The following DENND4B variants were observed in gnomAD, a reference collection of about 807,000 sequenced individuals.
The protein encoded by DENND4B is DENN domain containing 4B, also known as DENN domain-containing protein 4B.
In DENND4B, 67 loss-of-function variants were observed where a neutral mutation model predicts 161.0. The observed-to-expected ratio is 0.42, with a 90% CI of 0.34 to 0.51. DENND4B has a LOEUF of 0.51. Among genes scored for constraint, DENND4B ranks in the 20% least tolerant of loss-of-function variants. DENND4B has a pLI of 0.08. For synonymous variants in DENND4B, 753 were observed against 813.8 expected (o/e 0.93, Z 1.27); for missense variants, 1,481 against 1,968.0 (o/e 0.75, Z 4.68).
In DENND4B at chr1:153,942,635, A is replaced by G; in HGVS notation, c.571-10T>C. 1 of 1,584,458 alleles carries G rather than the reference A, an allele frequency of 6.3e-7. No homozygotes were observed. Among genetic ancestry groups the G allele is most frequent in the Non-Finnish European group, 8.6e-7 (1 of 1,166,466 alleles). The stretch of plus-strand genomic sequence containing the variant: ...ACACTGCTGGGCCCCACTACCCCAG[A>G]AATGGCAAGAGACAAGCAGATACAT... On this transcript the variant is annotated splice_polypyrimidine_tract_variant and intron_variant, in intron 3 of 27. Coordinates refer to ENST00000361217, the MANE Select transcript of DENND4B (RefSeq NM_014856.3). This position sits in a 1 kb window ranked among gnomAD's most constrained non-coding sequence, Gnocchi z 6.9.
At position 153,936,809 on chromosome 1, in the gene DENND4B, T is replaced by C; in HGVS notation, c.2233-61A>G. The C allele has an allele frequency of 7.6e-7, 1 of 1,319,464 alleles. No homozygotes were observed. The highest frequency in any genetic ancestry group is 1.0e-6 in the Non-Finnish European group (1 of 993,134). The allele number at this position is 1,319,464 out of a possible 1,614,324, so 81.7% of individuals were successfully genotyped here. On this transcript the variant is annotated intron_variant, in intron 15 of 27. Coordinates refer to ENST00000361217, the MANE Select transcript of DENND4B (RefSeq NM_014856.3). This position sits in a 1 kb window ranked among gnomAD's most constrained non-coding sequence, Gnocchi z 4.1. ...ATGCCAGGTCTTTCTTACTTATCTA[T>C]TTATTTATTTATTTATGACGGTCTC...
rs768468060 is a variant in DENND4B, at chr1:153,936,238, C to T, written c.2440-50G>A. ...ATGGGAGACTCACTCTCAACCAAAA[C>T]CAAAGTCTCAGCAAGCACCCTCTTC... On this transcript the variant is annotated intron_variant, in intron 16 of 27. Transcript: ENST00000361217. This position sits in a 1 kb window ranked among gnomAD's most constrained non-coding sequence, Gnocchi z 4.1. 16 of 1,567,002 alleles carry T rather than the reference C, an allele frequency of 1.0e-5. No individual in the cohort carries two copies. In the Admixed American group the frequency reaches 2.1e-4, roughly 20 times the overall value.
chr1:153,934,654 C>G lies in DENND4B; in HGVS notation c.2773+106G>C. On this transcript the variant is annotated intron_variant, in intron 18 of 27. Coordinates refer to ENST00000361217, the MANE Select transcript of DENND4B (RefSeq NM_014856.3). The surrounding 1 kb of genome is among the most constrained non-coding windows in gnomAD (Gnocchi z 5.3). ...CCAGTCAAGTGTAATTTATCAATCC[C>G]CAGAAACCCAATGCCAACCATTAGA... The G allele has an allele frequency of 6.7e-7, 1 of 1,491,376 alleles. No individual in the cohort carries two copies. The highest frequency in any genetic ancestry group is 2.4e-4 in the Middle Eastern group (1 of 4,198). The allele number at this position is 1,491,376 out of a possible 1,614,324, so 92.4% of individuals were successfully genotyped here.
At position 153,934,703 on chromosome 1, in the gene DENND4B, T is replaced by C; in HGVS notation, c.2773+57A>G. Reference sequence around the variant, plus strand: ...GACCAGCCCCAACTCTCTATGCCTTTCCCTGCCTGAGCCCAGCTACTCCAT... The same window carrying C: ...GACCAGCCCCAACTCTCTATGCCTTCCCCTGCCTGAGCCCAGCTACTCCAT... On this transcript the variant is annotated intron_variant, in intron 18 of 27. Coordinates refer to ENST00000361217, the MANE Select transcript of DENND4B (RefSeq NM_014856.3). The surrounding 1 kb of genome is among the most constrained non-coding windows in gnomAD (Gnocchi z 5.3). 1 of 1,557,934 alleles carries C rather than the reference T, an allele frequency of 6.4e-7. No homozygotes were observed. Among genetic ancestry groups the C allele is most frequent in the Non-Finnish European group, 8.7e-7 (1 of 1,153,596 alleles).
At position 153,929,637 on chromosome 1, in the gene DENND4B, G is replaced by C. The variant is rs916832245; in HGVS notation, c.*660C>G. 1 of 152,178 alleles carries C rather than the reference G, an allele frequency of 6.6e-6. No individual in the cohort carries two copies. The highest frequency in any genetic ancestry group is 1.5e-5 in the Non-Finnish European group (1 of 68,076). 9.4% of individuals were successfully genotyped at this position (152,178 alleles called of 1,614,324 possible). A position where few individuals can be genotyped will look rare whatever the true frequency, so the allele number is the denominator to read the frequency against. ...GCAGGCAAGAAAAATTAGGACTGGA[G>C]GGGGCACCAGTTCTTCCTAAGGGGA... On this transcript the variant is annotated 3_prime_UTR_variant, in exon 28 of 28. Coordinates refer to ENST00000361217, the MANE Select transcript of DENND4B (RefSeq NM_014856.3).
rs1679708929 is a variant in DENND4B at position 153,942,134 on chromosome 1, A to G, written c.811-21T>C. ...TACACCTGGCAGGGGGCAGAAGGGT[A>G]GTCAGGCAGGCCCTGCATAGCCTGG... On this transcript the variant is annotated intron_variant, in intron 5 of 27. Transcript: ENST00000361217. The surrounding 1 kb of genome is among the most constrained non-coding windows in gnomAD (Gnocchi z 6.9). 1.9e-6 allele frequency: 3 copies of G among 1,613,780 alleles called. No homozygotes were observed. Among genetic ancestry groups the G allele is most frequent in the African/African-American group, 1.3e-5 (1 of 74,930 alleles).
In DENND4B at chr1:153,942,051, C is replaced by T. The variant is rs1374500255; in HGVS notation, c.873G>A (p.Gln291=). 1 of 1,611,910 alleles carries T rather than the reference C, an allele frequency of 6.2e-7. No homozygotes were observed. The highest frequency in any genetic ancestry group is 8.5e-7 in the Non-Finnish European group (1 of 1,179,134). ...CGCTCAGCAGGCCCAGTGCCCGTGC[C>T]TGTCGCTCTGATAGCCTGGCCCTTG... ...AFPRARLSER[Q]ARALGLLSAV... The change falls in exon 6 of 28, where the codon CAG becomes CAA. Residue 291 remains glutamine (Q), a synonymous_variant. Coordinates refer to ENST00000361217, the MANE Select transcript of DENND4B (RefSeq NM_014856.3). This position sits in a 1 kb window ranked among gnomAD's most constrained non-coding sequence, Gnocchi z 6.9.
At position 153,941,421 on chromosome 1, in the gene DENND4B, G is replaced by A. The variant is rs941807418; in HGVS notation, c.1075C>T (p.His359Tyr). The change falls in exon 7 of 28, where the codon CAC (histidine) becomes TAC (tyrosine). Residue 359 changes from histidine (H) to tyrosine (Y), a missense_variant. His to Tyr is a moderately conservative substitution (Grantham distance 83, BLOSUM62 2). Coordinates refer to ENST00000361217, the MANE Select transcript of DENND4B (RefSeq NM_014856.3). Reference sequence around the variant, plus strand: ...TGTGGGGAAGGGAAGGGAACGTTGTGAATGAAGTGGGAGATGTGCCTGGGG... The same window carrying A: ...TGTGGGGAAGGGAAGGGAACGTTGTAAATGAAGTGGGAGATGTGCCTGGGG... ...PLEAHISHFIHNVPFPSPQRP... is the reference protein window; with the variant it reads ...PLEAHISHFIYNVPFPSPQRP... 2 of 1,612,708 alleles carry A rather than the reference G, an allele frequency of 1.2e-6. No individual in the cohort carries two copies. Among genetic ancestry groups the A allele is most frequent in the African/African-American group, 2.7e-5 (2 of 74,856 alleles).
rs1678854077 is a variant in DENND4B, at chr1:153,930,628, A to G, written c.4281-25T>C. On this transcript the variant is annotated intron_variant, in intron 26 of 27. Transcript: ENST00000361217. This position sits in a 1 kb window ranked among gnomAD's most constrained non-coding sequence, Gnocchi z 4.7. ...CCTTTAGTGGAGGCAGAAGTGTATG[A>G]GTGAGAGAAAAGGGGTGTGGAGCCC... The G allele has an allele frequency of 1.2e-6, 2 of 1,613,682 alleles. No individual in the cohort carries two copies. The highest frequency in any genetic ancestry group is 1.7e-5 in the Admixed American group (1 of 59,972).
chr1:153,943,463 A>C (rs1225975571), intron 2 of DENND4B, among the ~76,000 whole-genome samples: 2 of 152,160 alleles, frequency 1.3e-5, no homozygotes, highest in African/African-American at 4.8e-5. Context: ...GGATCACCTG[A>C]GGTCAGGGGT....
Position 153,933,787 on chromosome 1 carries a change from C to A in DENND4B, c.3026G>T (p.Gly1009Val). 3 of 1,611,972 alleles carry A rather than the reference C, an allele frequency of 1.9e-6. No homozygotes were observed. The highest frequency in any genetic ancestry group is 1.1e-5 in the South Asian group (1 of 90,816). Residue 1009 changes from glycine to valine, a missense_variant, in exon 20 of 28, where the codon GGG (glycine) becomes GTG (valine). This residue lies in a region of DENND4B where 339 missense variants were observed against 330.3 expected (regional missense o/e 1.03). Coordinates refer to ENST00000361217, the MANE Select transcript of DENND4B (RefSeq NM_014856.3). This position sits in a 1 kb window ranked among gnomAD's most constrained non-coding sequence, Gnocchi z 5.7. ...GCTGCCTCCAGGGAGCGGCTCCTCC[C>A]CTGTCAGGCTCAGGTCTGAGAGACT... The part of the protein sequence containing the change: ...DGSLSDLSLT[G>V]EEPLPGGSPG...
In DENND4B at chr1:153,937,771, G is replaced by A. The variant is rs372476079; in HGVS notation, c.2058C>T (p.Pro686=). The A allele has an allele frequency of 7.8e-5, 126 of 1,613,872 alleles. No individual in the cohort carries two copies. The highest frequency in any genetic ancestry group is 1.0e-4 in the Non-Finnish European group (123 of 1,179,886). The change falls in exon 14 of 28, where the codon CCC becomes CCT. Residue 686 remains proline, a synonymous_variant. Coordinates refer to ENST00000361217, the MANE Select transcript of DENND4B (RefSeq NM_014856.3). This position sits in a 1 kb window ranked among gnomAD's most constrained non-coding sequence, Gnocchi z 4.7. ...TGCCCTCTGGTAAGGCAGGCTCCTC[G>A]GGAGGTGTGATAAAGACAGTGAGCT... ...GSELTVFITP[P]EEPALPEGSE... is the part of the protein sequence containing the mutation.
chr1:153,932,492 C>A lies in DENND4B; in HGVS notation c.3760-52G>T. 1 of 1,559,526 alleles carries A rather than the reference C, an allele frequency of 6.4e-7. No individual in the cohort carries two copies. Among genetic ancestry groups the A allele is most frequent in the East Asian group, 2.3e-5 (1 of 42,828 alleles). On this transcript the variant is annotated intron_variant, in intron 23 of 27. Coordinates refer to ENST00000361217, the MANE Select transcript of DENND4B (RefSeq NM_014856.3). The surrounding 1 kb of genome is among the most constrained non-coding windows in gnomAD (Gnocchi z 5.8). ...TAGAGGGCATGTACATCCCCAGAGCCTTGCCTCCCACTGAGCCACCACATC... is the reference window on the plus strand; with the variant it reads ...TAGAGGGCATGTACATCCCCAGAGCATTGCCTCCCACTGAGCCACCACATC...
Position 153,932,037 on chromosome 1 carries a change from C to A in DENND4B, c.3996+167G>T. The A allele has an allele frequency of 3.2e-6, 2 of 621,278 alleles. No individual in the cohort carries two copies. The highest frequency in any genetic ancestry group is 2.8e-6 in the Non-Finnish European group (1 of 354,832). The allele number at this position is 621,278 out of a possible 1,614,324, so 38.5% of individuals were successfully genotyped here. ...GGTCAGGCTGGTCTCGAACTCCTGA[C>A]CTCAGGTGATTCGCCCACCTCGGCC... is the stretch of plus-strand genomic sequence containing the variant. On this transcript the variant is annotated intron_variant, in intron 24 of 27. Coordinates refer to ENST00000361217, the MANE Select transcript of DENND4B (RefSeq NM_014856.3). This position sits in a 1 kb window ranked among gnomAD's most constrained non-coding sequence, Gnocchi z 5.8.
rs1308870681 is a variant in DENND4B at position 153,932,402 on chromosome 1, G to A, written c.3798C>T (p.Tyr1266=). 8 of 1,613,100 alleles carry A rather than the reference G, an allele frequency of 5.0e-6. No homozygotes were observed. Among genetic ancestry groups the A allele is most frequent in the Non-Finnish European group, 6.8e-6 (8 of 1,179,522 alleles). Residue 1266 remains tyrosine, a synonymous_variant, in exon 24 of 28, where the codon TAC becomes TAT. Coordinates refer to ENST00000361217, the MANE Select transcript of DENND4B (RefSeq NM_014856.3). This position sits in a 1 kb window ranked among gnomAD's most constrained non-coding sequence, Gnocchi z 5.8. ...SRRVESGAWA[Y]LSPLVLRKEL... The stretch of plus-strand genomic sequence containing the variant: ...CCTTACGCAGCACCAGGGGGCTCAG[G>A]TATGCCCATGCCCCACTCTCAACCC...
Position 153,930,175 on chromosome 1 carries a change from TTGAC to T in DENND4B, c.*118_*121del. On this transcript the variant is annotated 3_prime_UTR_variant, in exon 28 of 28. Coordinates refer to ENST00000361217, the MANE Select transcript of DENND4B (RefSeq NM_014856.3). The surrounding 1 kb of genome is among the most constrained non-coding windows in gnomAD (Gnocchi z 4.7). Reference sequence around the variant, plus strand: ...TTCCTGTTGTCCTCGCTTGGAGCCTTTGACTGGGCATCCTTCCCAGCCTGTTCCC... The same window carrying T: ...TTCCTGTTGTCCTCGCTTGGAGCCTTTGGGCATCCTTCCCAGCCTGTTCCC... The T allele has an allele frequency of 1.5e-6, 2 of 1,323,964 alleles. No individual in the cohort carries two copies. Among genetic ancestry groups the T allele is most frequent in the South Asian group, 1.5e-5 (1 of 65,900 alleles). The allele number at this position is 1,323,964 out of a possible 1,614,324, so 82.0% of individuals were successfully genotyped here. A position where few individuals can be genotyped will look rare whatever the true frequency, so the allele number is the denominator to read the frequency against.
In DENND4B at chr1:153,932,213, C is replaced by G; in HGVS notation, c.3987G>C (p.Ser1329=). Residue 1329 remains serine, a synonymous_variant, in exon 24 of 28, where the codon TCG becomes TCC. Coordinates refer to ENST00000361217, the MANE Select transcript of DENND4B (RefSeq NM_014856.3). This position sits in a 1 kb window ranked among gnomAD's most constrained non-coding sequence, Gnocchi z 5.8. ...ACATGGGGGCACTGACCTGGGAGTGCGAAGGCCCATCACAGGAGGCCAGCA... is the reference window on the plus strand; with the variant it reads ...ACATGGGGGCACTGACCTGGGAGTGGGAAGGCCCATCACAGGAGGCCAGCA... The part of the protein sequence containing the change: ...GLVLASCDGP[S]HSQAPSPWLT... The G allele has an allele frequency of 1.2e-6, 2 of 1,613,386 alleles. No individual in the cohort carries two copies. Among genetic ancestry groups the G allele is most frequent in the African/African-American group, 1.3e-5 (1 of 75,024 alleles).
In DENND4B at chr1:153,946,084, C is replaced by A. The variant is rs1679950086; in HGVS notation, c.-24+217G>T. ...GGAGGGAGGGCGGCTCCGACTCCGG[C>A]ACCCACGGGAGCAGAAGGGGGTGCA... On this transcript the variant is annotated intron_variant, in intron 1 of 27. Transcript: ENST00000361217. This position sits in a 1 kb window ranked among gnomAD's most constrained non-coding sequence, Gnocchi z 6.3. 6.6e-6 allele frequency among the ~76,000 whole-genome samples: 1 copy of A among 152,174 alleles called. No homozygotes were observed. Among genetic ancestry groups the A allele is most frequent in the African/African-American group, 2.4e-5 (1 of 41,458 alleles).
chr1:153,945,040 T>G lies in DENND4B; in HGVS notation c.-23-643A>C, dbSNP rs953302442. ...CAGGATCCTTAGGTAGCTCGTTAGA[T>G]CCAAAGCAGTTGTGAGAGACAAGTC... On this transcript the variant is annotated intron_variant, in intron 1 of 27. Coordinates refer to ENST00000361217, the MANE Select transcript of DENND4B (RefSeq NM_014856.3). 2.4e-6 allele frequency: 3 copies of G among 1,244,008 alleles called. No individual in the cohort carries two copies. In the East Asian group the frequency reaches 1.8e-4, roughly 73 times the overall value. The allele number at this position is 1,244,008 out of a possible 1,614,324, so 77.1% of individuals were successfully genotyped here.
Sources: gnomAD v4.1 joint callset for allele counts (sites outside exome capture counted in the v4.1 genomes callset) on GRCh38, gnomAD v4.1.1 for gene constraint, gnomAD v4.1.1 regional missense constraint, Gnocchi (gnomAD v3.1) non-coding constraint, MANE v1.5 for transcripts, NCBI Gene and HGNC (gene_info 2026-07-23, HGNC 2026-07-21) for gene names.